NTRK2: variants seen among roughly 807,000 people sequenced by gnomAD.
NTRK2 encodes the protein BDNF/NT-3 growth factors receptor.
Under a neutral mutation model 94.5 loss-of-function variants are expected in NTRK2, and 13 were observed. The observed-to-expected ratio is 0.14, with a 90% CI of 0.09 to 0.22. NTRK2 has a LOEUF of 0.22. Ranked by LOEUF, NTRK2 falls within the 10% of genes least tolerant of loss-of-function variation. NTRK2 has a pLI of 1.00. For synonymous variants in NTRK2, 372 were observed against 407.4 expected, an observed-to-expected ratio of 0.91 and a Z score of 1.05; for missense variants, 639 against 1,071.2, an observed-to-expected ratio of 0.60 and a Z score of 5.63.
At chr9:84,956,342 A>G (rs1824121191) in intron 17 of NTRK2, among the ~76,000 whole-genome samples, 1 of 152,218 alleles carries the variant, frequency 6.6e-6, no homozygotes, top group African/African-American at 2.4e-5. Context: ...ACAGTGACTC[A>G]GATCCACTGA....
chr9:84,753,872 G>A (rs2064849618), intron 12 of NTRK2, among the ~76,000 whole-genome samples: 1 of 152,068 alleles, frequency 6.6e-6, no homozygotes, highest in South Asian at 2.1e-4. Flanking sequence ...GGTTCTTCTG[G>A]GATCTCAGCA....
intron 2 of NTRK2, among the ~76,000 whole-genome samples, chr9:84,699,759 G>GTT (rs941164756): frequency 1.4e-5 from 2 of 146,584 alleles, no homozygotes; most frequent in Admixed American, 6.8e-5. Context: ...TTTTTAAATT[G>GTT]TTTTTTTTCT....
intron 16 of NTRK2, among the ~76,000 whole-genome samples, chr9:84,953,602 A>C (rs113580009): frequency 1.6e-3 from 239 of 152,348 alleles, no homozygotes; most frequent in African/African-American, 5.6e-3. Flanking sequence ...TTGTTCCTCA[A>C]TGTGACAAGA....
At chr9:84,772,557 G>T (rs2066661960) in intron 12 of NTRK2, among the ~76,000 whole-genome samples, 1 of 152,130 alleles carries the variant, frequency 6.6e-6, no homozygotes, top group African/African-American at 2.4e-5. Flanking sequence ...CCAGCCACAG[G>T]GAATCTACAT....
At chr9:84,898,970 G>A (rs986466039) in intron 14 of NTRK2, among the ~76,000 whole-genome samples, 8 of 152,228 alleles carry the variant, frequency 5.3e-5, no homozygotes, top group Admixed American at 3.3e-4. Context: ...CAAAGTGCTG[G>A]GATTACAGGC....
upstream of NTRK2, chr9:84,668,849 C>A (rs933367014): frequency 1.4e-4 from 22 of 152,380 alleles, no homozygotes; most frequent in African/African-American, 4.8e-4. Context: ...GGGAGTGAAT[C>A]CACGATCTGG....
At chr9:84,890,512 A>C (rs2076565130) in intron 14 of NTRK2, among the ~76,000 whole-genome samples, 1 of 152,164 alleles carries the variant, frequency 6.6e-6, no homozygotes, top group Non-Finnish European at 1.5e-5. Flanking sequence ...TGTACATTGG[A>C]CTTTCTTGAT....
intron 6 of NTRK2, among the ~76,000 whole-genome samples, chr9:84,715,277 T>C (rs996835040): frequency 6.6e-6 from 1 of 152,196 alleles, no homozygotes; most frequent in African/African-American, 2.4e-5. Flanking sequence ...AATTATTCTA[T>C]AGTTTAGTAT....
intron 2 of NTRK2, among the ~76,000 whole-genome samples, chr9:84,678,962 G>A (rs956631822): frequency 2.6e-5 from 4 of 152,174 alleles, no homozygotes; most frequent in Non-Finnish European, 4.4e-5. Context: ...GGTGTTGAGA[G>A]GTGGGAGTTG....
chr9:84,777,298 G>A (rs2067142645), intron 12 of NTRK2, among the ~76,000 whole-genome samples: 1 of 152,150 alleles, frequency 6.6e-6, no homozygotes, highest in South Asian at 2.1e-4. Flanking sequence ...GAGAACTCTG[G>A]AGAAACTCTA....
chr9:84,717,989 C>T (rs1329499335), intron 6 of NTRK2, among the ~76,000 whole-genome samples: 1 of 145,728 alleles, frequency 6.9e-6, no homozygotes, highest in Non-Finnish European at 1.5e-5. Flanking sequence ...CTTACAGAGC[C>T]TCCTTCTCCT....
chr9:84,827,554 A>G (rs1038321373), intron 12 of NTRK2, among the ~76,000 whole-genome samples: 3 of 152,190 alleles, frequency 2.0e-5, no homozygotes, highest in Admixed American at 6.6e-5. Context: ...AACAATGTAC[A>G]TTTTTAAAGA....
At chr9:84,682,333 T>C (rs572111498) in intron 2 of NTRK2, among the ~76,000 whole-genome samples, 125 of 152,340 alleles carry the variant, frequency 8.2e-4, no homozygotes, top group African/African-American at 2.8e-3. Flanking sequence ...CTGGTAATTA[T>C]ATTTTTTAAA....
intron 12 of NTRK2, chr9:84,812,381 A>G (rs1345488021): frequency 9.5e-7 from 1 of 1,058,182 alleles, no homozygotes; most frequent in East Asian, 5.2e-5. Flanking sequence ...CAAAAGCAGA[A>G]ACATGCCGCC....
At chr9:84,779,420 T>TGTTGCAGAG (rs2067351481) in intron 12 of NTRK2, among the ~76,000 whole-genome samples, 1 of 152,244 alleles carries the variant, frequency 6.6e-6, no homozygotes, top group Admixed American at 6.5e-5. Flanking sequence ...TCATATGCCA[T>TGTTGCAGAG]GTTGCAGAGA....
chr9:84,764,951 C>A (rs965521892), intron 12 of NTRK2, among the ~76,000 whole-genome samples: 64 of 152,082 alleles, frequency 4.2e-4, no homozygotes, highest in African/African-American at 1.2e-3. Flanking sequence ...TTAAATAAGC[C>A]AGGCACAGAA....
At chr9:84,818,952 A>G (rs1028683970) in intron 12 of NTRK2, among the ~76,000 whole-genome samples, 9 of 152,190 alleles carry the variant, frequency 5.9e-5, no homozygotes, top group African/African-American at 1.9e-4. Flanking sequence ...CTGTCCTCGA[A>G]TGTCCCGTCT....
chr9:84,864,312 A>C (rs1208595894), intron 13 of NTRK2, among the ~76,000 whole-genome samples: 2 of 152,072 alleles, frequency 1.3e-5, no homozygotes, highest in Non-Finnish European at 2.9e-5. Context: ...ACTCCTGTAC[A>C]AAGGCATAAG....
chr9:85,003,988 G>GGA (rs1830603489), intron 17 of NTRK2, among the ~76,000 whole-genome samples: 3 of 108,546 alleles, frequency 2.8e-5, no homozygotes, highest in African/African-American at 1.1e-4. Context: ...GGAGAAAGAA[G>GGA]AAGGAAAGAA....
Sources: gnomAD v4.1 joint callset for allele counts (sites outside exome capture counted in the v4.1 genomes callset) on GRCh38, gnomAD v4.1.1 for gene constraint, MANE v1.5 for transcripts, NCBI Gene and HGNC (gene_info 2026-07-23, HGNC 2026-07-21) for gene names.